LRTM3: variants seen among roughly 807,000 people sequenced by gnomAD.
LRTM3 encodes leucine rich repeat transmembrane protein 3, also known as leucine-rich repeat transmembrane protein 3.
the LRTM3 span, chr13:102,729,690 T>C: frequency 9.0e-6 from 14 of 1,551,804 alleles, no homozygotes. Flanking sequence ...TAGAAGTTGA[T>C]ATCGTCATGA....
chr13:102,748,815 C>G, the LRTM3 span: 2 of 1,550,492 alleles, frequency 1.3e-6, no homozygotes, highest in East Asian at 4.9e-5. Flanking sequence ...AAGGATTGTT[C>G]TAGCTGAGGT....
At chr13:102,731,735 G>A in the LRTM3 span, 1 of 1,551,304 alleles carries the variant, frequency 6.4e-7, no homozygotes, top group Non-Finnish European at 8.7e-7. Context: ...TTTAACTTGA[G>A]GCGGTATGGG....
At chr13:102,742,584 C>T in the LRTM3 span, 1 of 1,550,500 alleles carries the variant, frequency 6.4e-7, no homozygotes, top group South Asian at 1.2e-5. Context: ...TCTATTAAAT[C>T]AACTTCTGCT....
At chr13:102,733,536 A>G in the LRTM3 span, 14 of 1,551,248 alleles carry the variant, frequency 9.0e-6, no homozygotes, top group Non-Finnish European at 1.1e-5. Flanking sequence ...TTATGGTTTA[A>G]GTTATCCATT....
At chr13:102,737,710 T>C in the LRTM3 span, 1 of 1,550,954 alleles carries the variant, frequency 6.4e-7, no homozygotes, top group Non-Finnish European at 8.7e-7. Context: ...CTTTTGCTTT[T>C]TGTACTTCAC....
At chr13:102,730,433 C>T in the LRTM3 span, 12 of 1,551,026 alleles carry the variant, frequency 7.7e-6, no homozygotes, top group African/African-American at 1.6e-4. Context: ...AACAGCTGAA[C>T]CAGTAGCATT....
chr13:102,738,945 TC>T, the LRTM3 span: 7 of 1,550,748 alleles, frequency 4.5e-6, no homozygotes, highest in Non-Finnish European at 6.1e-6. Flanking sequence ...TCTTTGTCTT[TC>T]TGCGGCATAT....
At chr13:102,758,437 G>C in the LRTM3 span, 1 of 1,535,186 alleles carries the variant, frequency 6.5e-7, no homozygotes, top group Non-Finnish European at 8.8e-7. Context: ...ATTAATAACT[G>C]ACCAATTCTC....
chr13:102,746,946 C>A, the LRTM3 span: 43 of 1,551,022 alleles, frequency 2.8e-5, 1 homozygote, highest in Admixed American at 5.1e-4. Context: ...ATGGGAGAAA[C>A]AACAGACTCA....
the LRTM3 span, chr13:102,744,701 G>T: frequency 6.4e-7 from 1 of 1,550,518 alleles, no homozygotes; most frequent in African/African-American, 1.4e-5. Context: ...ACTATAGCAT[G>T]GAACTGATTC....
the LRTM3 span, chr13:102,737,886 AAT>A: frequency 6.4e-7 from 1 of 1,550,690 alleles, no homozygotes; most frequent in Non-Finnish European, 8.7e-7. Flanking sequence ...TTGGAAGGCA[AAT>A]ATAGGAACAG....
the LRTM3 span, chr13:102,734,590 CTCT>C: frequency 1.3e-6 from 2 of 1,550,714 alleles, no homozygotes; most frequent in Non-Finnish European, 1.7e-6. Context: ...TTTGGTTCCT[CTCT>C]TCTTTTTGAG....
chr13:102,754,488 C>A, the LRTM3 span, among the ~76,000 whole-genome samples: 1 of 152,094 alleles, frequency 6.6e-6, no homozygotes, highest in African/African-American at 2.4e-5. Context: ...TGCTGAATGA[C>A]CATCTCCACC....
At chr13:102,732,654 C>A in the LRTM3 span, 2 of 1,551,226 alleles carry the variant, frequency 1.3e-6, no homozygotes, top group African/African-American at 2.7e-5. Context: ...GATTCCTCTG[C>A]CTTTAGAGAT....
At chr13:102,748,947 C>T in the LRTM3 span, 1 of 1,550,512 alleles carries the variant, frequency 6.4e-7, no homozygotes, top group Non-Finnish European at 8.7e-7. Flanking sequence ...TTCTCTGTAT[C>T]TGGTGACTTA....
At chr13:102,739,652 T>C in the LRTM3 span, 1 of 1,550,474 alleles carries the variant, frequency 6.4e-7, no homozygotes, top group Non-Finnish European at 8.7e-7. Flanking sequence ...CTTCCTTGGC[T>C]TCAAAATGAT....
the LRTM3 span, chr13:102,730,356 A>G: frequency 1.3e-6 from 2 of 1,551,044 alleles, no homozygotes; most frequent in Non-Finnish European, 1.7e-6. Flanking sequence ...CACTCGTCCA[A>G]GTCAGCTGGA....
the LRTM3 span, chr13:102,742,946 A>T: frequency 3.2e-6 from 5 of 1,546,226 alleles, no homozygotes; most frequent in Non-Finnish European, 4.4e-6. Context: ...TGCGAGCCCA[A>T]CTTTGAGACT....
At chr13:102,746,254 G>A in the LRTM3 span, 2 of 1,550,974 alleles carry the variant, frequency 1.3e-6, no homozygotes, top group Non-Finnish European at 1.7e-6. Flanking sequence ...CAGACCCCAG[G>A]TGCTGGCTCA....
Sources: allele counts gnomAD v4.1 joint callset (sites outside exome capture counted in the v4.1 genomes callset), GRCh38; gene constraint gnomAD v4.1.1; transcripts MANE v1.5; gene names NCBI Gene and HGNC (gene_info 2026-07-23, HGNC 2026-07-21).